INSC: variants seen among roughly 807,000 people sequenced by gnomAD.
The protein encoded by INSC is INSC spindle orientation adaptor protein.
A neutral mutation model predicts 58.6 loss-of-function variants in INSC; 67 were observed. The observed-to-expected ratio is 1.14, with a 90% CI of 0.94 to 1.40. INSC has a LOEUF of 1.40. Among genes scored for constraint, INSC ranks in the 40% most tolerant of loss-of-function variants. The probability of loss-of-function intolerance (pLI) is 0.00; values close to 1 mark genes in which losing one functional copy is unlikely to be tolerated. For missense variants in INSC, 714 were observed against 692.0 expected, an observed-to-expected ratio of 1.03 and a Z score of -0.36; for synonymous variants, 262 against 276.1, an observed-to-expected ratio of 0.95 and a Z score of 0.51.
At chr11:15,229,975 T>TTATATATATATA (rs1564917208) in intron 9 of INSC, among the ~76,000 whole-genome samples, 3 of 13,994 alleles carry the variant, frequency 2.1e-4, no homozygotes, top group African/African-American at 3.7e-4. Context: ...TATATATATA[T>TTATATATATATA]ATATTATATA....
At chr11:15,211,415 T>C (rs1026237523) in intron 7 of INSC, among the ~76,000 whole-genome samples, 1 of 152,228 alleles carries the variant, frequency 6.6e-6, no homozygotes, top group Non-Finnish European at 1.5e-5. Flanking sequence ...TTCTTATTGA[T>C]GTATAAACTT....
intron 2 of INSC, among the ~76,000 whole-genome samples, chr11:15,155,741 C>CT (rs1848793610): frequency 6.6e-6 from 1 of 152,292 alleles, no homozygotes; most frequent in Non-Finnish European, 1.5e-5. Flanking sequence ...AATTTGAAGA[C>CT]TTTTAAAGTT....
chr11:15,269,264 A>G, the INSC span, among the ~76,000 whole-genome samples: 2 of 152,014 alleles, frequency 1.3e-5, no homozygotes, highest in Admixed American at 1.3e-4. Flanking sequence ...TGCCTATTAT[A>G]TATTAAAGTA....
In INSC at chr11:15,114,932, G is replaced by A. The variant is rs577598011; in HGVS notation, c.-117G>A. 4 of 985,342 alleles carry A rather than the reference G, an allele frequency of 4.1e-6. No homozygotes were observed. The highest frequency in any genetic ancestry group is 3.5e-5 in the African/African-American group (2 of 57,238). The allele number at this position is 985,342 out of a possible 1,614,324, so 61.0% of individuals were successfully genotyped here. A position where few individuals can be genotyped will look rare whatever the true frequency, so the allele number is the denominator to read the frequency against. ...GGCCGGCAGAGCGGCCACTTTGCGC[G>A]CGGCCTCTGGAGCTCCAGCTGCGCC... On this transcript the variant is annotated 5_prime_UTR_variant, in exon 1 of 13. Coordinates refer to ENST00000379556, the MANE Select transcript of INSC (RefSeq NM_001042536.3).
At chr11:15,185,922 G>GT (rs573362467) in intron 5 of INSC, among the ~76,000 whole-genome samples, 4 of 152,092 alleles carry the variant, frequency 2.6e-5, no homozygotes, top group Non-Finnish European at 5.9e-5. Context: ...TTTTCAAAAT[G>GT]TTTTTAGGGT....
chr11:15,111,756 T>C (rs1847580677), upstream of INSC, among the ~76,000 whole-genome samples: 1 of 152,184 alleles, frequency 6.6e-6, no homozygotes, highest in African/African-American at 2.4e-5. Context: ...TAATAACTTT[T>C]ATAAAAGGTT....
chr11:15,119,142 G>T (rs1423007738), intron 1 of INSC, among the ~76,000 whole-genome samples: 3 of 152,182 alleles, frequency 2.0e-5, no homozygotes, highest in African/African-American at 7.2e-5. Flanking sequence ...GAGGCTAAGG[G>T]GCTTGACTTC....
Position 15,190,691 on chromosome 11 carries a change from C to G in INSC, c.580-10C>G, listed in dbSNP as rs1443911930. 6.2e-7 allele frequency: 1 copy of G among 1,600,412 alleles called. No homozygotes were observed. Among genetic ancestry groups the G allele is most frequent in the East Asian group, 2.2e-5 (1 of 44,818 alleles). ...AGTAACTACTAGCTAACTTTTCTCT[C>G]TCTTCTTAGGCACTGGTGAGAAAAA... On this transcript the variant is annotated splice_polypyrimidine_tract_variant and intron_variant, in intron 5 of 12. Coordinates refer to ENST00000379556, the MANE Select transcript of INSC (RefSeq NM_001042536.3).
chr11:15,205,583 G>C (rs1009549700), intron 7 of INSC, among the ~76,000 whole-genome samples: 5 of 152,164 alleles, frequency 3.3e-5, no homozygotes, highest in African/African-American at 1.2e-4. Context: ...GGAAGGTTAG[G>C]GTCTGGTGGG....
downstream of INSC, among the ~76,000 whole-genome samples, chr11:15,249,656 G>A (rs1052620375): frequency 3.3e-5 from 5 of 152,328 alleles, no homozygotes; most frequent in South Asian, 2.1e-4. Flanking sequence ...AGGAGTCAGC[G>A]TGGTTGGTGG....
intron 6 of INSC, among the ~76,000 whole-genome samples, chr11:15,195,775 G>GT (rs1740843858): frequency 6.6e-6 from 1 of 152,226 alleles, no homozygotes; most frequent in Non-Finnish European, 1.5e-5. Context: ...TCCCAGCTCT[G>GT]CCACTAGCTC....
At chr11:15,241,675 C>T (rs939004932) in intron 12 of INSC, 11 of 702,240 alleles carry the variant, frequency 1.6e-5, no homozygotes, top group Non-Finnish European at 2.9e-5. Context: ...ATCTTTGGTA[C>T]TCTGGTGAAG....
At chr11:15,239,311 T>C (rs1852252763) in intron 11 of INSC, among the ~76,000 whole-genome samples, 1 of 152,168 alleles carries the variant, frequency 6.6e-6, no homozygotes, top group African/African-American at 2.4e-5. Flanking sequence ...GAACAGTGAC[T>C]CACCTGCAGA....
chr11:15,263,299 G>T, the INSC span, among the ~76,000 whole-genome samples: 113,729 of 152,038 alleles, frequency 0.75, 42,750 homozygotes, highest in Middle Eastern at 0.84. Context: ...CATATCTGAA[G>T]ATGTAAGGGC....
downstream of INSC, among the ~76,000 whole-genome samples, chr11:15,251,562 A>C (rs994784640): frequency 1.3e-5 from 2 of 152,216 alleles, no homozygotes; most frequent in Non-Finnish European, 2.9e-5. Context: ...AACAATAAAA[A>C]CACAACCCAG....
At chr11:15,209,357 T>C (rs185814794) in intron 7 of INSC, among the ~76,000 whole-genome samples, 1 of 152,218 alleles carries the variant, frequency 6.6e-6, no homozygotes. Context: ...AGATGTGAGT[T>C]ATTTTCCCCT....
At chr11:15,212,256 C>T (rs990996677) in intron 7 of INSC, among the ~76,000 whole-genome samples, 15 of 152,094 alleles carry the variant, frequency 9.9e-5, no homozygotes, top group African/African-American at 1.7e-4. Flanking sequence ...TGTGTGCCAC[C>T]GCGCCCAGCT....
the INSC span, among the ~76,000 whole-genome samples, chr11:15,267,163 GTT>G: frequency 6.6e-6 from 1 of 151,938 alleles, no homozygotes; most frequent in Non-Finnish European, 1.5e-5. Flanking sequence ...TCTAGCGCCA[GTT>G]TTGCTCCACT....
At chr11:15,229,906 TTA>T (rs1554926758) in intron 9 of INSC, among the ~76,000 whole-genome samples, 1 of 122,528 alleles carries the variant, frequency 8.2e-6, no homozygotes, top group African/African-American at 3.1e-5. Context: ...AAAAACATTT[TTA>T]TATATATATA....
Sources: gnomAD v4.1 joint callset for allele counts (sites outside exome capture counted in the v4.1 genomes callset) on GRCh38, gnomAD v4.1.1 for gene constraint, MANE v1.5 for transcripts, NCBI Gene and HGNC (gene_info 2026-07-23, HGNC 2026-07-21) for gene names.